The following PAK3 variants were observed in gnomAD, a reference collection of about 807,000 sequenced individuals.
PAK3 encodes the protein serine/threonine-protein kinase PAK 3.
PAK3 carries 4 observed loss-of-function variants against 41.0 expected under a neutral mutation model. The observed-to-expected ratio is 0.10, with a 90% confidence interval of 0.05 to 0.22. The LOEUF is 0.22. Ranked by LOEUF, PAK3 falls within the 10% of genes least tolerant of loss-of-function variation. The pLI is 1.00. For synonymous variants in PAK3, 146 were observed against 139.6 expected, an observed-to-expected ratio of 1.05 and a Z score of -0.32; for missense variants, 205 against 409.9, an observed-to-expected ratio of 0.50 and a Z score of 4.32.
chrX:111,136,173 AG>A (rs750753423), intron 5 of PAK3, among the ~76,000 whole-genome samples: 2 of 111,712 alleles, frequency 1.8e-5, no homozygotes, highest in Admixed American at 1.9e-4. Context: ...GTAAGGGAGG[AG>A]GGGGTAGAGC....
At chrX:111,113,844 C>T in intron 4 of PAK3, among the ~76,000 whole-genome samples, 1 of 111,005 alleles carries the variant, frequency 9.0e-6, no homozygotes, top group Non-Finnish European at 1.9e-5. Context: ...TCTCATTGCT[C>T]AGTTCCAACC....
At chrX:111,191,347 C>T (rs1301645290) in intron 11 of PAK3, among the ~76,000 whole-genome samples, 1 of 111,601 alleles carries the variant, frequency 9.0e-6, no homozygotes, top group African/African-American at 3.3e-5. Flanking sequence ...AATCCTCCCG[C>T]CTCAGCCTCC....
chrX:111,012,600 G>A (rs1364653733), intron 1 of PAK3, among the ~76,000 whole-genome samples: 1 of 112,188 alleles, frequency 8.9e-6, no homozygotes, highest in Non-Finnish European at 1.9e-5. Context: ...GGAAAGGCTG[G>A]AAAAGTAAGG....
chrX:111,177,799 A>G lies in PAK3; in HGVS notation c.830+4718A>G, dbSNP rs376456056. Among the ~76,000 whole-genome samples, 69 of 112,062 alleles carry G rather than the reference A, an allele frequency of 6.2e-4. 1 individual carries two copies. Among genetic ancestry groups the G allele is most frequent in the African/African-American group, 2.0e-3 (63 of 30,954 alleles). On this transcript the variant is annotated intron_variant, in intron 11 of 17. Transcript: ENST00000372007. Reference sequence around the variant, plus strand: ...TATGTAACAGAGGGCTGAATTTACAATGTTGGCAGCTGTCCTCACAGATTT... The same window carrying G: ...TATGTAACAGAGGGCTGAATTTACAGTGTTGGCAGCTGTCCTCACAGATTT...
intron 4 of PAK3, among the ~76,000 whole-genome samples, chrX:111,105,141 T>C (rs1354534249): frequency 9.0e-6 from 1 of 111,646 alleles, no homozygotes; most frequent in African/African-American, 3.3e-5. Context: ...ATGCTACATT[T>C]AGGTACATTC....
chrX:111,014,633 A>T (rs2092061447), intron 1 of PAK3, among the ~76,000 whole-genome samples: 1 of 111,490 alleles, frequency 9.0e-6, no homozygotes, highest in South Asian at 3.8e-4. Context: ...CCTTTGCTTC[A>T]GCCGTTCGTT....
chrX:111,220,120 T>C (rs2094916059), intron 17 of PAK3, among the ~76,000 whole-genome samples: 1 of 111,331 alleles, frequency 9.0e-6, no homozygotes, highest in African/African-American at 3.3e-5. Flanking sequence ...GCAAACACAG[T>C]GAGGTTTTAC....
chrX:111,111,114 T>TG lies in PAK3; in HGVS notation c.-28+7808_-28+7809insG, dbSNP rs772211608. ...CCCATGCTGATGGCCTCCAAACAAA[T>TG]ATCTTCATCCCACATGTCCAGCTCT... On this transcript the variant is annotated intron_variant, in intron 4 of 17. Coordinates refer to ENST00000372007, the MANE Select transcript of PAK3 (RefSeq NM_002578.5). Among the ~76,000 whole-genome samples, 34 of 111,859 alleles carry TG rather than the reference T, an allele frequency of 3.0e-4. No individual in the cohort carries two copies. The East Asian group carries it at 6.5e-3, about 21-fold the overall frequency.
intron 1 of PAK3, among the ~76,000 whole-genome samples, chrX:110,969,816 T>C (rs753868629): frequency 8.9e-5 from 10 of 112,356 alleles, no homozygotes; most frequent in African/African-American, 3.2e-4. Context: ...GTTTTAGCTA[T>C]GCTAGGTCTT....
chrX:111,167,004 T>TA (rs5903370), intron 10 of PAK3, among the ~76,000 whole-genome samples: 17,046 of 111,327 alleles, frequency 0.15, 2,725 homozygotes, highest in African/African-American at 0.48. Flanking sequence ...ATGGAGATAA[T>TA]AATTGTACCC....
At chrX:111,169,261 G>A in intron 10 of PAK3, 1 of 250,124 alleles carries the variant, frequency 4.0e-6, no homozygotes, top group Non-Finnish European at 7.4e-6. Context: ...GCAGATGACT[G>A]TTTAGTACAG....
At chrX:110,993,341 A>C (rs2091683590) in intron 1 of PAK3, among the ~76,000 whole-genome samples, 2 of 110,653 alleles carry the variant, frequency 1.8e-5, no homozygotes, top group Non-Finnish European at 3.8e-5. Context: ...TGAATTGATG[A>C]TTTTTTTTCT....
chrX:111,003,357 GGTGCTGTGGAAGGT>G (rs2091877690), intron 1 of PAK3, among the ~76,000 whole-genome samples: 1 of 111,451 alleles, frequency 9.0e-6, no homozygotes, highest in African/African-American at 3.3e-5. Flanking sequence ...TACTCGGCTT[GGTGCTGTGGAAGGT>G]GAAGTCCCTG....
intron 1 of PAK3, among the ~76,000 whole-genome samples, chrX:110,986,757 G>A (rs1237471985): frequency 6.0e-5 from 3 of 49,830 alleles, no homozygotes; most frequent in Non-Finnish European, 1.2e-4. Context: ...AAGTGTACGC[G>A]TGTGTGTGTG....
intron 1 of PAK3, among the ~76,000 whole-genome samples, chrX:111,076,109 A>G (rs528902600): frequency 9.2e-4 from 103 of 111,602 alleles, no homozygotes; most frequent in East Asian, 1.7e-3. Context: ...TCCAGATGAG[A>G]CTTTGGACTT....
chrX:111,062,054 CTGGTCCTCCTGCCT>C (rs1349932223), intron 1 of PAK3, among the ~76,000 whole-genome samples: 4 of 111,390 alleles, frequency 3.6e-5, no homozygotes, highest in African/African-American at 1.3e-4. Flanking sequence ...CTGGGCTCAA[CTGGTCCTCCTGCCT>C]TGGCCTCTCA....
intron 7 of PAK3, among the ~76,000 whole-genome samples, chrX:111,148,877 C>A (rs955780430): frequency 9.0e-6 from 1 of 111,084 alleles, no homozygotes; most frequent in Non-Finnish European, 1.9e-5. Flanking sequence ...ATTTCAGAAC[C>A]AATCATGCCT....
At chrX:111,069,481 C>T (rs150879940) in intron 1 of PAK3, among the ~76,000 whole-genome samples, 1,144 of 111,648 alleles carry the variant, frequency 0.01, 10 homozygotes, top group Non-Finnish European at 0.017. Context: ...GTATATATTA[C>T]CTTCTATATT....
At chrX:111,142,960 T>TA (rs1172386999) in intron 6 of PAK3, among the ~76,000 whole-genome samples, 6 of 109,672 alleles carry the variant, frequency 5.5e-5, no homozygotes, top group East Asian at 5.7e-4. Flanking sequence ...TTTTCTTTTT[T>TA]AAAAAAAAAG....
Sources: allele counts gnomAD v4.1 joint callset (sites outside exome capture counted in the v4.1 genomes callset), GRCh38; gene constraint gnomAD v4.1.1; transcripts MANE v1.5; gene names NCBI Gene and HGNC (gene_info 2026-07-23, HGNC 2026-07-21).